The following CLHC1 variants were observed in gnomAD, a reference collection of about 807,000 sequenced individuals.
CLHC1 encodes the protein clathrin heavy chain linker domain-containing protein 1.
A neutral mutation model predicts 69.5 loss-of-function variants in CLHC1; 72 were observed. That is an observed-to-expected ratio of 1.04 (90% confidence interval 0.86 to 1.26). CLHC1 has a LOEUF of 1.26. CLHC1 is among the 50% of genes most tolerant of loss of function. The pLI is 0.00. For missense variants in CLHC1, 790 were observed against 679.3 expected, an observed-to-expected ratio of 1.16 and a Z score of -1.81; for synonymous variants, 223 against 224.3, an observed-to-expected ratio of 0.99 and a Z score of 0.05.
chr2:55,177,585 C>T lies in CLHC1; in HGVS notation c.1564+17G>A, dbSNP rs1349210311. On this transcript the variant is annotated intron_variant, in intron 12 of 12. Transcript: ENST00000401408. ...TAACCCACTACTATTTCTCCCACAA[C>T]ATTTTATTCTACTTACCTATCCCAC... 3 of 1,551,978 alleles carry T rather than the reference C, an allele frequency of 1.9e-6. No individual in the cohort carries two copies. The highest frequency in any genetic ancestry group is 2.6e-6 in the Non-Finnish European group (3 of 1,141,910).
intron 9 of CLHC1, among the ~76,000 whole-genome samples, chr2:55,204,484 T>G (rs962921565): frequency 2.0e-5 from 3 of 152,102 alleles, no homozygotes; most frequent in African/African-American, 7.2e-5. Context: ...GGCAAGAATG[T>G]GGAGAAAAGG....
chr2:55,217,552 A>AAAACATATATAT (rs1673677786), intron 4 of CLHC1, among the ~76,000 whole-genome samples: 1 of 43,156 alleles, frequency 2.3e-5, no homozygotes, highest in African/African-American at 1.2e-4. Flanking sequence ...AAAAAAAAAA[A>AAAACATATATAT]ATATATATAT....
At chr2:55,180,738 T>C (rs561599391) in intron 10 of CLHC1, 26 bp from the exon 11 acceptor site, 6 of 1,598,118 alleles carry the variant, frequency 3.8e-6, no homozygotes, top group Admixed American at 1.7e-5. Flanking sequence ...CAATAAGACA[T>C]ATGTTAGAAA....
intron 2 of CLHC1, chr2:55,225,303 A>G (rs1674586940): frequency 6.6e-6 from 1 of 152,400 alleles, no homozygotes; most frequent in Non-Finnish European, 1.5e-5. Context: ...TCTGGAGCCA[A>G]TCTGGAAGGT....
In CLHC1 at chr2:55,177,644, C is replaced by CT; in HGVS notation, c.1521dup (p.Val508SerfsTer4). ...ATTTCTTGAAGTAGCTTAATGCCAA[C>CT]TTTTTTCATGTCTGCAGAGAACAGA... On this transcript the variant is annotated frameshift_variant, in exon 12 of 13. Transcript: ENST00000401408. LOFTEE classifies it high-confidence loss of function. 1 of 1,608,194 alleles carries CT rather than the reference C, an allele frequency of 6.2e-7. No individual in the cohort carries two copies. Among genetic ancestry groups the CT allele is most frequent in the African/African-American group, 1.3e-5 (1 of 74,834 alleles).
At chr2:55,207,149 C>A (rs1672533657) in intron 8 of CLHC1, among the ~76,000 whole-genome samples, 1 of 151,702 alleles carries the variant, frequency 6.6e-6, no homozygotes. Flanking sequence ...AACTGGAGAT[C>A]AAGAGGTGTC....
chr2:55,209,358 A>G (rs1672758877), intron 7 of CLHC1, 46 bp downstream of exon 7: 12 of 1,238,526 alleles, frequency 9.7e-6, no homozygotes, highest in Non-Finnish European at 1.3e-5. Flanking sequence ...TAGCGAAAAA[A>G]ATGTCTTCCA....
chr2:55,180,666 C>T lies in CLHC1; in HGVS notation c.1228G>A (p.Glu410Lys), dbSNP rs1669848609. The T allele has an allele frequency of 2.5e-6, 4 of 1,613,864 alleles. No individual in the cohort carries two copies. Among genetic ancestry groups the T allele is most frequent in the Non-Finnish European group, 3.4e-6 (4 of 1,179,958 alleles). Residue 410 changes from glutamate to lysine, a missense_variant, in exon 11 of 13, where the codon GAG becomes AAG. By Grantham distance (56) the Glu-to-Lys change is moderately conservative. Transcript: ENST00000401408. ...EAGDVICDYG[E>K]QDTYNKAKCL... ...TTGGCCTTGTTATAAGTATCCTGCT[C>T]CCCATAATCACAAATCACATCCCCA... is the stretch of plus-strand genomic sequence containing the variant.
chr2:55,175,716 C>T lies in CLHC1; in HGVS notation c.*74G>A, dbSNP rs1001351397. ...TCTAGATTTATTTATAAGTTAGTTA[C>T]GTTAAAATCAGTTTTTCCCAACCAG... On this transcript the variant is annotated 3_prime_UTR_variant, in exon 13 of 13. Transcript: ENST00000401408. The T allele has an allele frequency of 1.2e-4, 112 of 963,762 alleles. No homozygotes were observed. The highest frequency in any genetic ancestry group is 1.6e-4 in the Non-Finnish European group (105 of 638,668). The allele number at this position is 963,762 out of a possible 1,614,324, so 59.7% of individuals were successfully genotyped here.
chr2:55,185,465 T>C (rs1005685327), intron 9 of CLHC1, among the ~76,000 whole-genome samples: 1 of 152,154 alleles, frequency 6.6e-6, no homozygotes, highest in African/African-American at 2.4e-5. Flanking sequence ...AGGGTAGAAA[T>C]ACCAAACTAT....
At chr2:55,221,397 G>A (rs1440874768) in intron 3 of CLHC1, among the ~76,000 whole-genome samples, 1 of 152,138 alleles carries the variant, frequency 6.6e-6, no homozygotes, top group Non-Finnish European at 1.5e-5. Flanking sequence ...CAAAGTCAGA[G>A]CATTTTCTAA....
chr2:55,216,626 C>G (rs1673538917), intron 4 of CLHC1, among the ~76,000 whole-genome samples: 1 of 151,934 alleles, frequency 6.6e-6, no homozygotes, highest in East Asian at 1.9e-4. Context: ...ATCCATCTCT[C>G]AAGCTCAACC....
At chr2:55,184,919 AACACACACACACACAC>A (rs561837633) in intron 9 of CLHC1, among the ~76,000 whole-genome samples, 74 of 126,094 alleles carry the variant, frequency 5.9e-4, no homozygotes, top group African/African-American at 1.9e-3. Context: ...AAAAAAACAA[AACACACACACACACAC>A]ACACACACAC....
chr2:55,210,854 G>A (rs944108707), intron 5 of CLHC1, among the ~76,000 whole-genome samples: 1 of 151,912 alleles, frequency 6.6e-6, no homozygotes, highest in East Asian at 1.9e-4. Context: ...TAAAAAATAT[G>A]TAGATATATA....
intron 8 of CLHC1, among the ~76,000 whole-genome samples, chr2:55,208,307 T>C (rs1672634704): frequency 6.6e-6 from 1 of 152,220 alleles, no homozygotes; most frequent in South Asian, 2.1e-4. Context: ...ATATACCATA[T>C]ACACATAGCC....
intron 9 of CLHC1, among the ~76,000 whole-genome samples, chr2:55,182,226 T>C (rs1164133502): frequency 6.6e-6 from 1 of 152,130 alleles, no homozygotes; most frequent in Admixed American, 6.6e-5. Context: ...ATGCAAACTA[T>C]CCTGCTTTAA....
chr2:55,213,313 G>A (rs1201196956), intron 4 of CLHC1, among the ~76,000 whole-genome samples: 1 of 152,182 alleles, frequency 6.6e-6, no homozygotes, highest in African/African-American at 2.4e-5. Flanking sequence ...CAGGCATTCT[G>A]ACTTCATCAC....
At chr2:55,224,469 G>C in intron 2 of CLHC1, 2 of 390,082 alleles carry the variant, frequency 5.1e-6, no homozygotes, top group South Asian at 4.1e-5. Flanking sequence ...CTTAGCTGGC[G>C]CTGCAGTTTG....
chr2:55,224,763 G>A (rs1674528178), intron 2 of CLHC1: 1 of 328,890 alleles, frequency 3.0e-6, no homozygotes, highest in South Asian at 3.2e-5. Flanking sequence ...GAACATCAGT[G>A]CTTTTCCTCA....
Sources: allele counts gnomAD v4.1 joint callset (sites outside exome capture counted in the v4.1 genomes callset), GRCh38; gene constraint gnomAD v4.1.1; transcripts MANE v1.5; gene names NCBI Gene and HGNC (gene_info 2026-07-23, HGNC 2026-07-21).